WDR70: variants seen among roughly 807,000 people sequenced by gnomAD.
The protein encoded by WDR70 is WD repeat-containing protein 70.
In WDR70, 53 loss-of-function variants were observed where a neutral mutation model predicts 88.6. The ratio of observed to expected loss-of-function variants is 0.60; its 90% CI spans 0.48 to 0.75. WDR70 has a LOEUF of 0.75. Among genes scored for constraint, WDR70 ranks in the 30% least tolerant of loss-of-function variants. The pLI, the probability that WDR70 is intolerant of heterozygous loss-of-function variation, is 0.00. For synonymous variants in WDR70, 280 were observed against 270.0 expected, an observed-to-expected ratio of 1.04 and a Z score of -0.36; for missense variants, 610 against 823.2, an observed-to-expected ratio of 0.74 and a Z score of 3.17.
chr5:37,433,510 T>C (rs1023462365), intron 5 of WDR70, among the ~76,000 whole-genome samples: 2 of 152,204 alleles, frequency 1.3e-5, no homozygotes, highest in Non-Finnish European at 2.9e-5. Flanking sequence ...AGGACTCTCC[T>C]GCTGATCCCC....
chr5:37,723,271 T>G, intron 15 of WDR70: 1 of 266,750 alleles, frequency 3.7e-6, no homozygotes, highest in Non-Finnish European at 7.2e-6. Context: ...AGGCCTGGGT[T>G]TGTCCAGTTC....
chr5:37,663,118 A>G (rs544972090), intron 10 of WDR70, among the ~76,000 whole-genome samples: 5 of 152,308 alleles, frequency 3.3e-5, no homozygotes, highest in African/African-American at 1.2e-4. Context: ...AATAAACAAA[A>G]TATTTATACT....
chr5:37,452,247 C>T (rs1334340381), intron 7 of WDR70, among the ~76,000 whole-genome samples: 1 of 149,804 alleles, frequency 6.7e-6, no homozygotes, highest in Non-Finnish European at 1.5e-5. Flanking sequence ...CATTAGAAGC[C>T]TTTCTTTATT....
chr5:37,532,258 G>T lies in WDR70; in HGVS notation c.917+15668G>T, dbSNP rs190220219. On this transcript the variant is annotated intron_variant, in intron 9 of 17. Transcript: ENST00000265107. The stretch of plus-strand genomic sequence containing the variant: ...GCCTAGGCAATGATCTTTTTGTGAT[G>T]AGTTTCCCAGGTGTTCTTTGAGCTT... 2.0e-5 allele frequency among the ~76,000 whole-genome samples: 3 copies of T among 152,282 alleles called. No individual in the cohort carries two copies. The East Asian group carries it at 5.8e-4, about 29-fold the overall frequency.
chr5:37,447,127 G>A (rs542577680), intron 7 of WDR70, among the ~76,000 whole-genome samples: 33 of 152,274 alleles, frequency 2.2e-4, no homozygotes, highest in African/African-American at 7.5e-4. Flanking sequence ...AGTGGGTGAA[G>A]GATATGAACA....
At chr5:37,524,462 C>A (rs550654771) in intron 9 of WDR70, among the ~76,000 whole-genome samples, 31 of 152,256 alleles carry the variant, frequency 2.0e-4, no homozygotes, top group East Asian at 1.7e-3. Context: ...GCCTGCCCTA[C>A]AAGAGCTCCT....
intron 5 of WDR70, among the ~76,000 whole-genome samples, chr5:37,416,546 GGGGAGAGGGAGAGGGAGAGGGCTT>G (rs1749760352): frequency 6.7e-6 from 1 of 149,908 alleles, no homozygotes; most frequent in South Asian, 2.1e-4. Flanking sequence ...GGGAGATCGT[GGGGAGAGGGAGAGGGAGAGGGCTT>G]GGGAGAGGGC....
chr5:37,676,399 A>G (rs1400185264), intron 10 of WDR70, among the ~76,000 whole-genome samples: 2 of 152,060 alleles, frequency 1.3e-5, no homozygotes, highest in Non-Finnish European at 2.9e-5. Flanking sequence ...ATTATTTTGA[A>G]ATACGTCCCA....
chr5:37,500,010 AGTG>A (rs1444391542), intron 8 of WDR70, among the ~76,000 whole-genome samples: 4 of 152,172 alleles, frequency 2.6e-5, no homozygotes, highest in African/African-American at 9.7e-5. Flanking sequence ...TGAATTGTAC[AGTG>A]GTGAAGTGTG....
chr5:37,603,074 A>G (rs1194258992), intron 9 of WDR70, among the ~76,000 whole-genome samples: 4 of 152,196 alleles, frequency 2.6e-5, no homozygotes, highest in African/African-American at 9.7e-5. Flanking sequence ...TAAACCATCC[A>G]AAGTGATCTA....
intron 8 of WDR70, among the ~76,000 whole-genome samples, chr5:37,494,738 T>G (rs1343312004): frequency 6.6e-6 from 1 of 152,252 alleles, no homozygotes; most frequent in Non-Finnish European, 1.5e-5. Flanking sequence ...TAGCCATAGT[T>G]GGCACTGCTG....
chr5:37,588,502 C>T (rs1359363047), intron 9 of WDR70, among the ~76,000 whole-genome samples: 2 of 152,154 alleles, frequency 1.3e-5, no homozygotes, highest in East Asian at 1.9e-4. Context: ...CCCTCCCCTT[C>T]GCTCATCTTC....
intron 9 of WDR70, among the ~76,000 whole-genome samples, 182 bp from the exon 10 acceptor site, chr5:37,604,882 A>G (rs1189916374): frequency 1.3e-5 from 2 of 152,218 alleles, no homozygotes; most frequent in African/African-American, 4.8e-5. Context: ...CTTTATTTCC[A>G]TGAGTAACCT....
intron 9 of WDR70, among the ~76,000 whole-genome samples, chr5:37,562,332 G>T (rs1742531952): frequency 6.6e-6 from 1 of 152,070 alleles, no homozygotes; most frequent in South Asian, 2.1e-4. Flanking sequence ...CTCCAGCCTG[G>T]CTGACAGAGT....
intron 17 of WDR70, among the ~76,000 whole-genome samples, chr5:37,729,800 T>C (rs570638517): frequency 6.6e-6 from 1 of 152,288 alleles, no homozygotes; most frequent in South Asian, 2.1e-4. Context: ...ATTACTATGG[T>C]TCTAGGAGTC....
chr5:37,394,075 A>G (rs1185327747), intron 4 of WDR70, among the ~76,000 whole-genome samples: 2 of 152,056 alleles, frequency 1.3e-5, no homozygotes, highest in African/African-American at 4.8e-5. Flanking sequence ...GGGAGGCCGA[A>G]CTGGGTGGAT....
chr5:37,655,830 A>T (rs1288951443), intron 10 of WDR70, among the ~76,000 whole-genome samples: 1 of 151,868 alleles, frequency 6.6e-6, no homozygotes, highest in Non-Finnish European at 1.5e-5. Context: ...TCTTGTTAGC[A>T]ATTCCTCTAA....
chr5:37,524,220 C>A (rs1048884542), intron 9 of WDR70, among the ~76,000 whole-genome samples: 1 of 152,166 alleles, frequency 6.6e-6, no homozygotes, highest in African/African-American at 2.4e-5. Context: ...ATATTAAGGG[C>A]AGCCAGAGAG....
At chr5:37,679,223 C>G (rs1419986192) in intron 10 of WDR70, among the ~76,000 whole-genome samples, 4 of 152,232 alleles carry the variant, frequency 2.6e-5, no homozygotes, top group Non-Finnish European at 5.9e-5. Flanking sequence ...AAGCCTTCTT[C>G]TCTCAACTCG....
Sources: gnomAD v4.1 joint callset for allele counts (sites outside exome capture counted in the v4.1 genomes callset) on GRCh38, gnomAD v4.1.1 for gene constraint, MANE v1.5 for transcripts, NCBI Gene and HGNC (gene_info 2026-07-23, HGNC 2026-07-21) for gene names.